The following SNX29 variants were observed in gnomAD, a reference collection of about 807,000 sequenced individuals.
The protein encoded by SNX29 is sorting nexin-29.
In SNX29, 78 loss-of-function variants were observed where a neutral mutation model predicts 102.1. The ratio of observed to expected loss-of-function variants is 0.76; its 90% CI spans 0.64 to 0.92. SNX29 has a LOEUF of 0.92. SNX29 is among the 40% of genes least tolerant of loss of function. The pLI is 0.00. For synonymous variants in SNX29, 580 were observed against 414.5 expected (o/e 1.40, Z -4.85); for missense variants, 1,280 against 1,061.7 (o/e 1.21, Z -2.86).
Position 12,035,002 on chromosome 16 carries a change from C to G in SNX29, c.247+7558C>G, listed in dbSNP as rs577111983. On this transcript the variant is annotated intron_variant, in intron 4 of 20. Coordinates refer to ENST00000566228, the MANE Select transcript of SNX29 (RefSeq NM_032167.5). ...CTCCAGCCTGGGCGACAGAGCAAGA[C>G]TCCACCTCAAAAAAAAAAAGGTAAA... Among the ~76,000 whole-genome samples the G allele has an allele frequency of 3.3e-5, 5 of 151,864 alleles. No individual in the cohort carries two copies. In the South Asian group the frequency reaches 1.0e-3, roughly 32 times the overall value.
intron 18 of SNX29, among the ~76,000 whole-genome samples, chr16:12,412,530 G>A (rs532004120): frequency 1.3e-5 from 2 of 152,224 alleles, no homozygotes; most frequent in African/African-American, 2.4e-5. Context: ...GCAAAGACGA[G>A]AGTGTGGAAT....
Position 11,999,430 on chromosome 16 carries a change from C to A in SNX29, c.69+72C>A, listed in dbSNP as rs994516653. ...AGATAATTAATGTAGGTCATTTCTTCCCTATAACATACACAGACTAACTCC... is the reference window on the plus strand; with the variant it reads ...AGATAATTAATGTAGGTCATTTCTTACCTATAACATACACAGACTAACTCC... On this transcript the variant is annotated intron_variant, in intron 2 of 20. Coordinates refer to ENST00000566228, the MANE Select transcript of SNX29 (RefSeq NM_032167.5). 3.4e-6 allele frequency: 5 copies of A among 1,460,946 alleles called. No homozygotes were observed. The African/African-American group carries it at 4.2e-5, about 12-fold the overall frequency. The allele number at this position is 1,460,946 out of a possible 1,614,324, so 90.5% of individuals were successfully genotyped here. A position where few individuals can be genotyped will look rare whatever the true frequency, so the allele number is the denominator to read the frequency against.
chr16:12,110,924 A>G (rs533297496), intron 11 of SNX29, among the ~76,000 whole-genome samples: 4 of 152,116 alleles, frequency 2.6e-5, no homozygotes, highest in East Asian at 3.9e-4. Flanking sequence ...CCTGGGCTCA[A>G]GCGACCCTCC....
chr16:12,213,942 G>A (rs1307208554), intron 14 of SNX29, among the ~76,000 whole-genome samples: 1 of 152,186 alleles, frequency 6.6e-6, no homozygotes, highest in African/African-American at 2.4e-5. Flanking sequence ...GGATGAGGCT[G>A]TTGGAGTCAG....
intron 17 of SNX29, among the ~76,000 whole-genome samples, chr16:12,400,142 C>G (rs967325381): frequency 3.9e-5 from 6 of 152,122 alleles, no homozygotes; most frequent in African/African-American, 1.4e-4. Flanking sequence ...TACACTAAAG[C>G]CAGAGGCAGC....
intron 14 of SNX29, among the ~76,000 whole-genome samples, chr16:12,272,796 G>T (rs1055436059): frequency 3.3e-5 from 5 of 152,040 alleles, no homozygotes; most frequent in Non-Finnish European, 1.5e-5. Context: ...TCATGCTTTG[G>T]GTTGTTGCCT....
chr16:12,555,466 C>CA (rs371983967), intron 20 of SNX29, among the ~76,000 whole-genome samples: 2,294 of 151,944 alleles, frequency 0.015, 56 homozygotes, highest in African/African-American at 0.052. Context: ...CCCTAGTTGA[C>CA]ATGTCTGAGG....
At chr16:12,021,116 C>T (rs1040547378) in intron 3 of SNX29, among the ~76,000 whole-genome samples, 3 of 152,144 alleles carry the variant, frequency 2.0e-5, no homozygotes, top group African/African-American at 7.2e-5. Context: ...CAAAAAGGCT[C>T]CAGTAAAGCT....
At chr16:12,561,217 G>A (rs555470916) in intron 20 of SNX29, 15 of 229,806 alleles carry the variant, frequency 6.5e-5, no homozygotes, top group South Asian at 3.7e-4. Flanking sequence ...CCGCAGCCAT[G>A]CAGTACAGAA....
intron 15 of SNX29, among the ~76,000 whole-genome samples, chr16:12,336,228 A>G (rs1249705967): frequency 6.6e-6 from 1 of 152,154 alleles, no homozygotes; most frequent in Non-Finnish European, 1.5e-5. Context: ...TGTAGGGAGA[A>G]AGCTTTGGTT....
At chr16:12,544,037 C>G (rs909824628) in intron 20 of SNX29, among the ~76,000 whole-genome samples, 22 of 152,210 alleles carry the variant, frequency 1.4e-4, no homozygotes, top group Admixed American at 3.9e-4. Flanking sequence ...GTTGACTCAT[C>G]ACATTGCAAA....
intron 19 of SNX29, among the ~76,000 whole-genome samples, chr16:12,510,504 C>G (rs558781272): frequency 4.4e-4 from 67 of 152,018 alleles, no homozygotes; most frequent in Non-Finnish European, 7.8e-4. Flanking sequence ...GAAACCCTGT[C>G]TCTACTAAAA....
intron 15 of SNX29, among the ~76,000 whole-genome samples, chr16:12,293,674 A>G (rs2079878823): frequency 6.6e-6 from 1 of 152,248 alleles, no homozygotes; most frequent in Non-Finnish European, 1.5e-5. Flanking sequence ...TGGTAGAAAG[A>G]ACATATTGAA....
chr16:12,356,274 G>A lies in SNX29; in HGVS notation c.1894G>A (p.Gly632Arg). 1.9e-6 allele frequency: 3 copies of A among 1,600,004 alleles called. No homozygotes were observed. Among genetic ancestry groups the A allele is most frequent in the East Asian group, 2.3e-5 (1 of 44,166 alleles). Reference sequence around the variant, plus strand: ...GAGGCAGGAGCTCATCGATCTCCGGGGACCGGTGAGTGTTTCCCCAACCCT... The same window carrying A: ...GAGGCAGGAGCTCATCGATCTCCGGAGACCGGTGAGTGTTTCCCCAACCCT... ...QMRQELIDLRGPVPGDLSQTS... is the reference protein window; with the variant it reads ...QMRQELIDLRRPVPGDLSQTS... The change falls in exon 16 of 21, where the codon GGA becomes AGA. Residue 632 changes from glycine to arginine, a missense_variant. Gly to Arg is a moderately radical substitution (Grantham distance 125). Transcript: ENST00000566228.
intron 1 of SNX29, among the ~76,000 whole-genome samples, chr16:11,985,372 A>T (rs1300208633): frequency 6.6e-6 from 1 of 152,182 alleles, no homozygotes; most frequent in Non-Finnish European, 1.5e-5. Context: ...TTTTCAGTGG[A>T]ATGTGGCAGA....
intron 20 of SNX29, among the ~76,000 whole-genome samples, chr16:12,565,806 C>G (rs775599700): frequency 6.6e-6 from 1 of 152,212 alleles, no homozygotes; most frequent in African/African-American, 2.4e-5. Context: ...ACACAGCAAC[C>G]CTCAGCTCAC....
intron 20 of SNX29, among the ~76,000 whole-genome samples, chr16:12,538,375 C>G (rs971000812): frequency 6.6e-6 from 1 of 152,150 alleles, no homozygotes; most frequent in African/African-American, 2.4e-5. Flanking sequence ...CAGGCGTGAG[C>G]CACCGCGCCC....
chr16:12,562,233 G>C (rs759534921), intron 20 of SNX29, among the ~76,000 whole-genome samples: 5 of 152,176 alleles, frequency 3.3e-5, no homozygotes, highest in African/African-American at 1.2e-4. Flanking sequence ...AAGTTCAGAA[G>C]TGAAGGGCGA....
At chr16:12,091,399 A>AC (rs997039567) in intron 11 of SNX29, among the ~76,000 whole-genome samples, 7 of 151,978 alleles carry the variant, frequency 4.6e-5, no homozygotes, top group African/African-American at 1.7e-4. Flanking sequence ...TGGAATCCTA[A>AC]CCCCCAGTGT....
Sources: allele counts gnomAD v4.1 joint callset (sites outside exome capture counted in the v4.1 genomes callset), GRCh38; gene constraint gnomAD v4.1.1; transcripts MANE v1.5; gene names NCBI Gene and HGNC (gene_info 2026-07-23, HGNC 2026-07-21).